The following SCLT1 variants were observed in gnomAD, a reference collection of about 807,000 sequenced individuals.
SCLT1 encodes sodium channel-associated protein 1.
In SCLT1, 78 loss-of-function variants were observed where a neutral mutation model predicts 112.8. The ratio of observed to expected loss-of-function variants is 0.69; its 90% CI spans 0.58 to 0.83. The LOEUF (loss-of-function observed/expected upper bound fraction) is 0.83. Among genes scored for constraint, SCLT1 ranks in the 40% least tolerant of loss-of-function variants. SCLT1 has a pLI of 0.00. For synonymous variants in SCLT1, 257 were observed against 254.7 expected, an observed-to-expected ratio of 1.01 and a Z score of -0.09; for missense variants, 747 against 770.4, an observed-to-expected ratio of 0.97 and a Z score of 0.36.
At chr4:128,924,530 TA>T (rs35005370) in intron 18 of SCLT1, among the ~76,000 whole-genome samples, 2 of 152,050 alleles carry the variant, frequency 1.3e-5, no homozygotes, top group Non-Finnish European at 2.9e-5. Context: ...CCTTGACCTC[TA>T]AAAGTGTTGG....
intron 2 of SCLT1, among the ~76,000 whole-genome samples, chr4:129,063,461 G>A (rs1032466342): frequency 8.5e-5 from 13 of 152,176 alleles, no homozygotes; most frequent in African/African-American, 3.1e-4. Context: ...TTTTGTGGGG[G>A]TAGTGCCCTG....
At chr4:129,047,452 T>C (rs1748287553) in intron 2 of SCLT1, among the ~76,000 whole-genome samples, 1 of 152,102 alleles carries the variant, frequency 6.6e-6, no homozygotes, top group African/African-American at 2.4e-5. Context: ...CCTGGTAGTA[T>C]CTGTTTCCAA....
intron 18 of SCLT1, among the ~76,000 whole-genome samples, chr4:128,917,262 A>AT (rs1735553089): frequency 6.6e-6 from 1 of 151,938 alleles, no homozygotes; most frequent in South Asian, 2.1e-4. Context: ...AACTCTTTCC[A>AT]TTTTCTCTCT....
chr4:129,042,753 A>G (rs1244602016), intron 4 of SCLT1, among the ~76,000 whole-genome samples: 1 of 152,106 alleles, frequency 6.6e-6, no homozygotes, highest in African/African-American at 2.4e-5. Context: ...TGCTCAAGCA[A>G]TTCTCTCACT....
intron 12 of SCLT1, 56 bp from the exon 13 acceptor site, chr4:128,957,180 A>C: frequency 9.5e-7 from 1 of 1,057,036 alleles, no homozygotes; most frequent in Non-Finnish European, 1.4e-6. Flanking sequence ...TAAAGATAAT[A>C]ACAGGTGAAA....
chr4:128,940,458 T>C (rs1737593772), intron 17 of SCLT1, among the ~76,000 whole-genome samples: 1 of 152,002 alleles, frequency 6.6e-6, no homozygotes, highest in Non-Finnish European at 1.5e-5. Context: ...AAAATTGTTA[T>C]TACAGTATGT....
chr4:129,007,632 T>A (rs1324099269), intron 5 of SCLT1, among the ~76,000 whole-genome samples: 1 of 152,172 alleles, frequency 6.6e-6, no homozygotes, highest in East Asian at 1.9e-4. Flanking sequence ...ATTTTACGAA[T>A]CTCCTTGGTT....
intron 8 of SCLT1, among the ~76,000 whole-genome samples, chr4:128,992,777 ACCT>A (rs2126070260): frequency 6.6e-6 from 1 of 151,958 alleles, no homozygotes; most frequent in Non-Finnish European, 1.5e-5. Flanking sequence ...CCCTGGTATT[ACCT>A]ACTAAATAAA....
intron 2 of SCLT1, among the ~76,000 whole-genome samples, chr4:129,053,461 T>C (rs2125715498): frequency 6.6e-6 from 1 of 152,060 alleles, no homozygotes; most frequent in Non-Finnish European, 1.5e-5. Context: ...TCTTAATGCA[T>C]TGATCCCTTT....
chr4:129,041,090 CATAAT>C (rs1406544544), intron 4 of SCLT1, among the ~76,000 whole-genome samples: 2 of 152,152 alleles, frequency 1.3e-5, no homozygotes, highest in African/African-American at 2.4e-5. Flanking sequence ...AACCAAAGTA[CATAAT>C]ATGTTATTAC....
At chr4:129,005,230 T>C (rs1009780817) in intron 5 of SCLT1, among the ~76,000 whole-genome samples, 3 of 152,200 alleles carry the variant, frequency 2.0e-5, no homozygotes, top group African/African-American at 7.2e-5. Flanking sequence ...TAATATTCCA[T>C]CATTTTCATC....
In SCLT1 at chr4:128,999,665, A is replaced by G; in HGVS notation, c.549+7T>C. On this transcript the variant is annotated splice_region_variant and intron_variant, in intron 7 of 20. Transcript: ENST00000281142. ...ATATACAAGAAAATGATGAAATCCA[A>G]GATTACCTTTTGTTTTTGACTTTCA... 1.3e-6 allele frequency: 2 copies of G among 1,594,940 alleles called. No homozygotes were observed. Among genetic ancestry groups the G allele is most frequent in the Non-Finnish European group, 1.7e-6 (2 of 1,170,274 alleles).
intron 5 of SCLT1, among the ~76,000 whole-genome samples, chr4:129,016,284 G>A (rs1420762026): frequency 6.6e-6 from 1 of 152,094 alleles, no homozygotes; most frequent in Non-Finnish European, 1.5e-5. Context: ...TAGGTATTAA[G>A]CCCTACATGC....
intron 2 of SCLT1, among the ~76,000 whole-genome samples, chr4:129,069,348 A>G (rs1750776658): frequency 6.6e-6 from 1 of 152,150 alleles, no homozygotes; most frequent in African/African-American, 2.4e-5. Context: ...TGGAATCTGT[A>G]GATTGCTTTT....
intron 9 of SCLT1, among the ~76,000 whole-genome samples, chr4:128,977,080 A>G (rs763200819): frequency 2.6e-5 from 4 of 152,204 alleles, no homozygotes; most frequent in Non-Finnish European, 5.9e-5. Context: ...CCAATATGTT[A>G]TAATAAATGA....
At chr4:129,015,938 C>G (rs1470695499) in intron 5 of SCLT1, among the ~76,000 whole-genome samples, 2 of 152,180 alleles carry the variant, frequency 1.3e-5, no homozygotes, top group Non-Finnish European at 2.9e-5. Context: ...AGTTGGCTAT[C>G]ATACAGGTTT....
intron 9 of SCLT1, among the ~76,000 whole-genome samples, chr4:128,973,961 T>G (rs1462654287): frequency 6.6e-6 from 1 of 152,188 alleles, no homozygotes; most frequent in Non-Finnish European, 1.5e-5. Context: ...GCAGAAGGCC[T>G]GTCTTCTAGA....
rs115289258 is a variant in SCLT1, at chr4:129,065,559, T to C, written c.102+16747A>G. 5.4e-3 allele frequency among the ~76,000 whole-genome samples: 817 copies of C among 152,166 alleles called. 8 individuals carry two copies. The highest frequency in any genetic ancestry group is 0.019 in the African/African-American group (770 of 41,566). On this transcript the variant is annotated intron_variant, in intron 2 of 20. Coordinates refer to ENST00000281142, the MANE Select transcript of SCLT1 (RefSeq NM_144643.4). ...AGCACAAATGGAGTCATAGACAATA[T>C]ATAAACAAATGACTATAGCTGTGTT...
chr4:128,955,900 C>T (rs998967539), intron 13 of SCLT1, among the ~76,000 whole-genome samples: 6 of 152,106 alleles, frequency 3.9e-5, no homozygotes, highest in African/African-American at 1.4e-4. Flanking sequence ...ACAGGAAGTG[C>T]TCAATAAATA....
Sources: gnomAD v4.1 joint callset for allele counts (sites outside exome capture counted in the v4.1 genomes callset) on GRCh38, gnomAD v4.1.1 for gene constraint, MANE v1.5 for transcripts, NCBI Gene and HGNC (gene_info 2026-07-23, HGNC 2026-07-21) for gene names.